Variants in SNX24 observed in about 807,000 individuals in gnomAD.
SNX24 encodes the protein sorting nexin-24.
A neutral mutation model predicts 28.7 loss-of-function variants in SNX24; 22 were observed. That is an observed-to-expected ratio of 0.77 (90% CI 0.55 to 1.10). The LOEUF is 1.10. Among genes scored for constraint, SNX24 ranks in the 50% least tolerant of loss-of-function variants. SNX24 has a pLI of 0.00. For synonymous variants in SNX24, 69 were observed against 71.5 expected, an observed-to-expected ratio of 0.96 and a Z score of 0.18; for missense variants, 221 against 201.1, an observed-to-expected ratio of 1.10 and a Z score of -0.60.
intron 3 of SNX24, among the ~76,000 whole-genome samples, chr5:122,999,275 C>T (rs944033839): frequency 6.6e-5 from 10 of 152,090 alleles, no homozygotes; most frequent in African/African-American, 2.4e-4. Context: ...AGCATGTACA[C>T]TGATTTACAC....
chr5:122,942,947 A>C (rs1385733313), intron 2 of SNX24, among the ~76,000 whole-genome samples: 2 of 152,166 alleles, frequency 1.3e-5, no homozygotes. Flanking sequence ...AGATCTTCTA[A>C]ATTTTTTTTA....
At chr5:122,904,172 GTCTTTTTTTTTTGTTT>G (rs1199127245) in intron 1 of SNX24, among the ~76,000 whole-genome samples, 1 of 151,532 alleles carries the variant, frequency 6.6e-6, no homozygotes, top group East Asian at 1.9e-4. Context: ...GGAATACCTA[GTCTTTTTTTTTTGTTT>G]TCTTTTTTTT....
intron 2 of SNX24, among the ~76,000 whole-genome samples, chr5:122,941,840 T>C (rs1225470234): frequency 2.0e-5 from 3 of 152,250 alleles, no homozygotes; most frequent in Admixed American, 2.0e-4. Context: ...CTGCTTGCCC[T>C]GATACCTTTG....
intron 3 of SNX24, among the ~76,000 whole-genome samples, chr5:122,991,514 C>T (rs941953925): frequency 2.0e-5 from 3 of 152,172 alleles, no homozygotes; most frequent in African/African-American, 7.2e-5. Flanking sequence ...GGCTGGAGTG[C>T]ATTGATGCCA....
intron 1 of SNX24, among the ~76,000 whole-genome samples, chr5:122,856,586 G>A (rs960314563): frequency 1.4e-5 from 2 of 143,884 alleles, no homozygotes; most frequent in Non-Finnish European, 3.0e-5. Context: ...TGCCATCTCC[G>A]CTTACTGCAA....
At chr5:122,999,479 T>G (rs62377431) in intron 3 of SNX24, among the ~76,000 whole-genome samples, 3 of 138,496 alleles carry the variant, frequency 2.2e-5, no homozygotes, top group Admixed American at 7.2e-5. Context: ...CACACACACA[T>G]GTATACATAA....
chr5:122,914,682 G>T (rs376930097), intron 1 of SNX24, among the ~76,000 whole-genome samples: 1 of 150,966 alleles, frequency 6.6e-6, no homozygotes. Flanking sequence ...GTTTATTTGC[G>T]TAGAGGTGTT....
intron 1 of SNX24, among the ~76,000 whole-genome samples, chr5:122,846,473 C>T (rs939769119): frequency 5.9e-5 from 9 of 152,198 alleles, no homozygotes; most frequent in African/African-American, 2.2e-4. Flanking sequence ...AATTTACTTC[C>T]AGTTGTTAAA....
At chr5:122,855,102 C>T (rs996262937) in intron 1 of SNX24, among the ~76,000 whole-genome samples, 5 of 151,214 alleles carry the variant, frequency 3.3e-5, no homozygotes, top group Admixed American at 6.6e-5. Context: ...GGCAGAGTCT[C>T]GCTCTGTTGC....
intron 1 of SNX24, among the ~76,000 whole-genome samples, chr5:122,913,971 G>A (rs1171005722): frequency 1.3e-5 from 2 of 152,332 alleles, no homozygotes; most frequent in African/African-American, 2.4e-5. Context: ...CCAGTCAGGC[G>A]TGGCGGCGCG....
At chr5:122,962,008 A>G (rs30058) in intron 3 of SNX24, among the ~76,000 whole-genome samples, 117,094 of 152,204 alleles carry the variant, frequency 0.77, 45,923 homozygotes, top group East Asian at 0.99. Flanking sequence ...TTTTATGGTA[A>G]TTCTATAAGA....
At chr5:122,999,869 C>G (rs200698858) in intron 3 of SNX24, 43 bp from the exon 4 acceptor site, 1 of 1,169,526 alleles carries the variant, frequency 8.6e-7, no homozygotes, top group African/African-American at 1.5e-5. Context: ...GATCACCTAG[C>G]AAACTTCACT....
At chr5:122,975,386 A>G (rs1372295345) in intron 3 of SNX24, among the ~76,000 whole-genome samples, 2 of 150,888 alleles carry the variant, frequency 1.3e-5, no homozygotes, top group Admixed American at 6.6e-5. Flanking sequence ...TTGTTCTTTG[A>G]TAGCTTGGAA....
chr5:122,981,965 C>G (rs1158033591), intron 3 of SNX24, among the ~76,000 whole-genome samples: 2 of 152,194 alleles, frequency 1.3e-5, no homozygotes, highest in Non-Finnish European at 2.9e-5. Flanking sequence ...TGGAACCTGC[C>G]CTTCCAGATA....
In SNX24 at chr5:123,007,959, G is replaced by C. The variant is rs1378233242; in HGVS notation, c.*210G>C. On this transcript the variant is annotated 3_prime_UTR_variant, in exon 7 of 7. Coordinates refer to ENST00000261369, the MANE Select transcript of SNX24 (RefSeq NM_014035.4). ...TGAACCGGGGCGGTGGTCAGGCTAA[G>C]GCCAAGTGTTTAAGAAGTAGAGTGT... 6 of 1,302,958 alleles carry C rather than the reference G, an allele frequency of 4.6e-6. No individual in the cohort carries two copies. In the South Asian group the frequency reaches 1.1e-4, roughly 23 times the overall value. 80.7% of individuals were successfully genotyped at this position (1,302,958 alleles called of 1,614,324 possible).
intron 3 of SNX24, among the ~76,000 whole-genome samples, chr5:122,949,922 A>C (rs1021620991): frequency 1.3e-5 from 2 of 152,218 alleles, no homozygotes; most frequent in Non-Finnish European, 2.9e-5. Context: ...AGTAATTTGA[A>C]GTATGGCAGT....
At chr5:122,868,212 AACTT>A (rs776808659) in intron 1 of SNX24, among the ~76,000 whole-genome samples, 48 of 152,160 alleles carry the variant, frequency 3.2e-4, no homozygotes, top group Non-Finnish European at 5.6e-4. Context: ...CTCTTCCTGT[AACTT>A]ACTTGTGCCT....
chr5:122,965,765 C>T (rs1377252118), intron 3 of SNX24, among the ~76,000 whole-genome samples: 1 of 152,196 alleles, frequency 6.6e-6, no homozygotes, highest in African/African-American at 2.4e-5. Flanking sequence ...AAATCAACAA[C>T]ACTTTTCCAA....
chr5:122,983,602 G>A (rs1188979240), intron 3 of SNX24, among the ~76,000 whole-genome samples: 1 of 152,128 alleles, frequency 6.6e-6, no homozygotes, highest in Non-Finnish European at 1.5e-5. Flanking sequence ...ACAAAGTAGT[G>A]AAAAATTTTT....
Sources: gnomAD v4.1 joint callset for allele counts (sites outside exome capture counted in the v4.1 genomes callset) on GRCh38, gnomAD v4.1.1 for gene constraint, MANE v1.5 for transcripts, NCBI Gene and HGNC (gene_info 2026-07-23, HGNC 2026-07-21) for gene names.